Variants in SLC25A29 observed in about 807,000 individuals in gnomAD.
SLC25A29 encodes the protein mitochondrial basic amino acids transporter.
A neutral mutation model predicts 10.0 loss-of-function variants in SLC25A29; 13 were observed. The observed-to-expected ratio is 1.30, with a 90% CI of 0.85 to 2.07. The LOEUF (loss-of-function observed/expected upper bound fraction) is 2.07, where lower values mean the gene tolerates loss of function less well. SLC25A29 is among the 30% of genes most tolerant of loss of function. SLC25A29 has a pLI of 0.00. For synonymous variants in SLC25A29, 244 were observed against 221.1 expected (o/e 1.10, Z -0.92); for missense variants, 475 against 447.6 (o/e 1.06, Z -0.55).
the SLC25A29 span, chr14:100,282,343 G>C: frequency 1.3e-5 from 2 of 151,942 alleles, no homozygotes; most frequent in Admixed American, 6.6e-5. Context: ...GGGGCAGTTT[G>C]CTGTGCTCTG....
intron 2 of SLC25A29, 80 bp downstream of exon 2, chr14:100,298,762 A>G: frequency 6.3e-7 from 1 of 1,582,912 alleles, no homozygotes; most frequent in South Asian, 1.1e-5. Flanking sequence ...GTACACGGAA[A>G]CAGGCTTCCA....
intron 2 of SLC25A29, chr14:100,296,309 G>C (rs1892145932): frequency 7.0e-6 from 2 of 283,902 alleles, no homozygotes; most frequent in South Asian, 6.6e-5. Flanking sequence ...TGTGCCTGTA[G>C]TTTCAGCTAC....
At chr14:100,297,837 G>C (rs546237831) in intron 2 of SLC25A29, among the ~76,000 whole-genome samples, 1 of 152,228 alleles carries the variant, frequency 6.6e-6, no homozygotes, top group Non-Finnish European at 1.5e-5. Flanking sequence ...CGATGACAAC[G>C]TTTGAGCCCA....
At chr14:100,289,141 C>T (rs1891606600), downstream of SLC25A29, among the ~76,000 whole-genome samples, 1 of 152,208 alleles carries the variant, frequency 6.6e-6, no homozygotes, top group Non-Finnish European at 1.5e-5. Context: ...ACAGTTCGTC[C>T]CTCAGAGCCC....
In SLC25A29 at chr14:100,292,510, G is replaced by T. The variant is rs1192926682; in HGVS notation, c.685C>A (p.Arg229Ser). 5.0e-6 allele frequency: 8 copies of T among 1,588,794 alleles called. No individual in the cohort carries two copies. In the East Asian group the frequency reaches 1.8e-4, roughly 37 times the overall value. Reference sequence around the variant, plus strand: ...TGGTGCACGCAGTCCAGGATGCCGCGGTAGCGCGGGGCGCCCCGCAGTCCG... The same window carrying T: ...TGGTGCACGCAGTCCAGGATGCCGCTGTAGCGCGGGGCGCCCCGCAGTCCG... ...ADGLRGAPRY[R>S]GILDCVHQSY... The change falls in exon 4 of 4, where the codon CGC becomes AGC. Residue 229 changes from arginine to serine, a missense_variant. By Grantham distance (110) the Arg-to-Ser change is moderately radical. Transcript: ENST00000359232.
the SLC25A29 span, chr14:100,278,805 C>T: frequency 1.3e-5 from 2 of 152,234 alleles, no homozygotes; most frequent in South Asian, 2.1e-4. Context: ...TGAGCGCCTG[C>T]GCAGGGTAAG....
rs774825374 is a variant in SLC25A29, at chr14:100,292,587, G to C, written c.608C>G (p.Ser203Cys). 14 of 1,603,664 alleles carry C rather than the reference G, an allele frequency of 8.7e-6. No homozygotes were observed. Among genetic ancestry groups the C allele is most frequent in the South Asian group, 7.8e-5 (7 of 89,782 alleles). The stretch of plus-strand genomic sequence containing the variant: ...GTCCACAGGATAGGTAGAGAGCCAG[G>C]ACACGATGCCTGACGTACCGCCCGC... ...LLAGGTSGIV[S>C]WLSTYPVDVV... Residue 203 changes from serine (S) to cysteine (C), a missense_variant, in exon 4 of 4, where the codon TCC (serine) becomes TGC (cysteine). Ser to Cys is a moderately radical substitution (Grantham distance 112). Coordinates refer to ENST00000359232, the MANE Select transcript of SLC25A29 (RefSeq NM_001039355.3).
rs1459027009 is a variant in SLC25A29, at chr14:100,291,411, C to CTGT, written c.*869_*871dup. The CTGT allele has an allele frequency of 6.6e-6, 1 of 152,358 alleles. No homozygotes were observed. Among genetic ancestry groups the CTGT allele is most frequent in the African/African-American group, 2.4e-5 (1 of 41,456 alleles). 9.4% of individuals were successfully genotyped at this position (152,358 alleles called of 1,614,324 possible). On this transcript the variant is annotated 3_prime_UTR_variant, in exon 4 of 4. Coordinates refer to ENST00000359232, the MANE Select transcript of SLC25A29 (RefSeq NM_001039355.3). Reference sequence around the variant, plus strand: ...CCAGGCCTGGTGAGGGGGTCCCATACTGTTCTCTGCTGAGCCCTCTGCACA... The same window carrying CTGT: ...CCAGGCCTGGTGAGGGGGTCCCATACTGTTGTTCTCTGCTGAGCCCTCTGCACA...
chr14:100,293,658 G>C lies in SLC25A29; in HGVS notation c.79-281C>G, dbSNP rs150353344. On this transcript the variant is annotated intron_variant, in intron 2 of 3. Transcript: ENST00000359232. ...GGTTAAGCCTCTTGTTTACACTATG[G>C]CTGCACAGTGCACTGCCAGTGGGGC... is the stretch of plus-strand genomic sequence containing the variant. 904 of 429,932 alleles carry C rather than the reference G, an allele frequency of 2.1e-3. 5 individuals carry two copies. The highest frequency in any genetic ancestry group is 2.9e-3 in the Non-Finnish European group (683 of 233,518). The allele number at this position is 429,932 out of a possible 1,614,324, so 26.6% of individuals were successfully genotyped here. A position where few individuals can be genotyped will look rare whatever the true frequency, so the allele number is the denominator to read the frequency against.
downstream of SLC25A29, among the ~76,000 whole-genome samples, chr14:100,290,692 C>T (rs1891643905): frequency 6.6e-6 from 1 of 152,202 alleles, no homozygotes; most frequent in Non-Finnish European, 1.5e-5. Flanking sequence ...CCAGGAAGCC[C>T]TCTCTGACCT....
chr14:100,305,995 T>TA (rs1892914404), intron 1 of SLC25A29, among the ~76,000 whole-genome samples: 1 of 152,060 alleles, frequency 6.6e-6, no homozygotes, highest in South Asian at 2.1e-4. Flanking sequence ...CCAGAGAGAA[T>TA]AAAGACACCT....
chr14:100,293,122 C>CA, intron 3 of SLC25A29, 90 bp from the exon 4 acceptor site: 1 of 1,453,670 alleles, frequency 6.9e-7, no homozygotes, highest in Non-Finnish European at 9.1e-7. Flanking sequence ...AGCCCCAGCC[C>CA]ACCCCAGGGG....
intron 1 of SLC25A29, among the ~76,000 whole-genome samples, chr14:100,300,556 T>C (rs1370632866): frequency 6.6e-6 from 1 of 151,906 alleles, no homozygotes; most frequent in Non-Finnish European, 1.5e-5. Flanking sequence ...CTAATTTTTG[T>C]AATTTTGGCA....
At chr14:100,304,201 CA>C (rs1176225653) in intron 1 of SLC25A29, among the ~76,000 whole-genome samples, 1 of 152,182 alleles carries the variant, frequency 6.6e-6, no homozygotes, top group Non-Finnish European at 1.5e-5. Context: ...AGGAGCCAGG[CA>C]GGGGCTGCTG....
In SLC25A29 at chr14:100,292,012, G is replaced by C; in HGVS notation, c.*271C>G. 1 of 488,790 alleles carries C rather than the reference G, an allele frequency of 2.0e-6. No individual in the cohort carries two copies. The highest frequency in any genetic ancestry group is 3.9e-5 in the Admixed American group (1 of 25,810). The allele number at this position is 488,790 out of a possible 1,614,324, so 30.3% of individuals were successfully genotyped here. A position where few individuals can be genotyped will look rare whatever the true frequency, so the allele number is the denominator to read the frequency against. On this transcript the variant is annotated 3_prime_UTR_variant, in exon 4 of 4. Coordinates refer to ENST00000359232, the MANE Select transcript of SLC25A29 (RefSeq NM_001039355.3). The stretch of plus-strand genomic sequence containing the variant: ...CCAGGATAACGGTGCAATGGCCTCA[G>C]CCAGGCCAGGTGCTGGCTGCTGCTG...
downstream of SLC25A29, among the ~76,000 whole-genome samples, chr14:100,286,831 G>A (rs914039310): frequency 1.6e-4 from 25 of 152,230 alleles, no homozygotes; most frequent in African/African-American, 2.4e-5. Context: ...TTGCATTGCC[G>A]CTCCAGGGTT....
chr14:100,292,340 G>A lies in SLC25A29; in HGVS notation c.855C>T (p.Gly285=), dbSNP rs765669227. 89 of 1,493,442 alleles carry A rather than the reference G, an allele frequency of 6.0e-5. No homozygotes were observed. In the African/African-American group the frequency reaches 6.8e-4, roughly 11 times the overall value. The allele number at this position is 1,493,442 out of a possible 1,614,324, so 92.5% of individuals were successfully genotyped here. A position where few individuals can be genotyped will look rare whatever the true frequency, so the allele number is the denominator to read the frequency against. Residue 285 remains glycine (G), a synonymous_variant, in exon 4 of 4, where the codon GGC becomes GGT. Coordinates refer to ENST00000359232, the MANE Select transcript of SLC25A29 (RefSeq NM_001039355.3). The part of the protein sequence containing the change: ...YARGEEAGPE[G]EAVPAAPAGP... ...CCGCAGGGGCGGCGGGCACAGCCTC[G>A]CCCTCGGGCCCGGCCTCCTCGCCGC...
intron 1 of SLC25A29, chr14:100,299,750 ACT>A (rs2139759683): frequency 1.0e-6 from 1 of 985,252 alleles, no homozygotes; most frequent in Non-Finnish European, 1.2e-6. Context: ...CAGGTAACTG[ACT>A]CTGACTCCCA....
intron 2 of SLC25A29, chr14:100,295,999 G>A (rs1484331508): frequency 1.6e-6 from 2 of 1,289,150 alleles, no homozygotes; most frequent in Non-Finnish European, 2.0e-6. Context: ...AGGGCCTGGG[G>A]GAATAAACTG....
Sources: allele counts gnomAD v4.1 joint callset (sites outside exome capture counted in the v4.1 genomes callset), GRCh38; gene constraint gnomAD v4.1.1; transcripts MANE v1.5; gene names NCBI Gene and HGNC (gene_info 2026-07-23, HGNC 2026-07-21).